Variants in ATG10 observed in about 807,000 individuals in gnomAD.
ATG10 encodes autophagy related 10.
In ATG10, 30 loss-of-function variants were observed where a neutral mutation model predicts 32.1. That is an observed-to-expected ratio of 0.94 (90% CI 0.70 to 1.27). The LOEUF (loss-of-function observed/expected upper bound fraction) is 1.27, where lower values mean the gene tolerates loss of function less well. Ranked by LOEUF, ATG10 falls within the 50% of genes most tolerant of loss-of-function variation. The probability of loss-of-function intolerance (pLI) is 0.00; values close to 1 mark genes in which losing one functional copy is unlikely to be tolerated. For missense variants in ATG10, 233 were observed against 262.3 expected, an observed-to-expected ratio of 0.89 and a Z score of 0.77; for synonymous variants, 87 against 91.5, an observed-to-expected ratio of 0.95 and a Z score of 0.28.
intron 2 of ATG10, among the ~76,000 whole-genome samples, chr5:82,026,465 T>G (rs1762598239): frequency 1.3e-5 from 2 of 152,204 alleles, no homozygotes; most frequent in African/African-American, 4.8e-5. Context: ...CTATTTTGTT[T>G]CCTATTATTA....
rs184091299 is a variant in ATG10, at chr5:82,014,870, A to T, written c.108+27192A>T. On this transcript the variant is annotated intron_variant, in intron 2 of 7. Transcript: ENST00000282185. ...TATGTGTGAATTTGATCCTGTCATTATGATGTTAGCTGGTGATTTTGCTCG... is the reference window on the plus strand; with the variant it reads ...TATGTGTGAATTTGATCCTGTCATTTTGATGTTAGCTGGTGATTTTGCTCG... Among the ~76,000 whole-genome samples the T allele has an allele frequency of 6.5e-3, 985 of 152,268 alleles. 7 individuals carry two copies. Among genetic ancestry groups the T allele is most frequent in the African/African-American group, 0.023 (940 of 41,538 alleles).
chr5:82,237,247 G>T (rs1202710804), intron 5 of ATG10, among the ~76,000 whole-genome samples: 2 of 152,174 alleles, frequency 1.3e-5, no homozygotes, highest in East Asian at 3.9e-4. Context: ...ATTAAACTTG[G>T]AGTAGGCTGT....
Position 82,255,674 on chromosome 5 carries a change from C to T in ATG10, c.*1611C>T, listed in dbSNP as rs897569598. 2.0e-5 allele frequency: 3 copies of T among 152,206 alleles called. No homozygotes were observed. Among genetic ancestry groups the T allele is most frequent in the African/African-American group, 7.2e-5 (3 of 41,446 alleles). 9.4% of individuals were successfully genotyped at this position (152,206 alleles called of 1,614,324 possible). A position where few individuals can be genotyped will look rare whatever the true frequency, so the allele number is the denominator to read the frequency against. On this transcript the variant is annotated 3_prime_UTR_variant, in exon 8 of 8. Transcript: ENST00000282185. ...GCTCTACTGACAGGCCTTTTCCAAT[C>T]CATACAAGCTGAACTTGCTTCCTAA...
chr5:82,157,889 A>G (rs1408382079), intron 3 of ATG10, among the ~76,000 whole-genome samples: 5 of 152,230 alleles, frequency 3.3e-5, no homozygotes, highest in Non-Finnish European at 7.3e-5. Context: ...CAAATCAACT[A>G]TCTTTTCCTC....
rs116174536 is a variant in ATG10 at position 82,010,036 on chromosome 5, C to T, written c.108+22358C>T. 1,328 of 1,610,778 alleles carry T rather than the reference C, an allele frequency of 8.2e-4. 12 individuals are homozygous for T. In the African/African-American group the frequency reaches 0.016, roughly 19 times the overall value. ...TTGTCAGCTAACAGCTCAAAGGAGA[C>T]GCGGCCCAAGGGCTCGCCATCGACG... On this transcript the variant is annotated intron_variant, in intron 2 of 7. Coordinates refer to ENST00000282185, the MANE Select transcript of ATG10 (RefSeq NM_031482.5).
At chr5:82,055,187 C>A in intron 2 of ATG10, among the ~76,000 whole-genome samples, 1 of 151,592 alleles carries the variant, frequency 6.6e-6, no homozygotes, top group African/African-American at 2.4e-5. Context: ...AATCAAAATC[C>A]AAAAAACTCT....
At chr5:82,080,104 A>C (rs187603877) in intron 3 of ATG10, among the ~76,000 whole-genome samples, 12,535 of 152,148 alleles carry the variant, frequency 0.082, 769 homozygotes, top group African/African-American at 0.18. Context: ...ATTTGCATTT[A>C]TCTGATGGCC....
intron 5 of ATG10, among the ~76,000 whole-genome samples, chr5:82,249,184 TTTTAA>T (rs1168905861): frequency 6.6e-6 from 1 of 152,152 alleles, no homozygotes; most frequent in Non-Finnish European, 1.5e-5. Context: ...TAAACTTTTA[TTTTAA>T]TTTAAATTCA....
intron 2 of ATG10, among the ~76,000 whole-genome samples, chr5:82,020,391 A>C (rs183379910): frequency 1.7e-4 from 26 of 152,360 alleles, no homozygotes; most frequent in Admixed American, 3.9e-4. Context: ...GAGTTCTAAT[A>C]ATTGGAAGCA....
chr5:81,979,802 G>C (rs1001875773), intron 1 of ATG10, among the ~76,000 whole-genome samples: 5 of 144,802 alleles, frequency 3.5e-5, no homozygotes, highest in African/African-American at 1.3e-4. Context: ...GTTTTTTTTA[G>C]AAACATGGTG....
At chr5:82,075,671 C>T (rs1249136085) in intron 3 of ATG10, among the ~76,000 whole-genome samples, 1 of 150,032 alleles carries the variant, frequency 6.7e-6, no homozygotes, top group Non-Finnish European at 1.5e-5. Flanking sequence ...TGCGCTGGCT[C>T]ATGCCTGTAA....
At chr5:81,993,332 C>CT (rs1211917788) in intron 2 of ATG10, among the ~76,000 whole-genome samples, 5,324 of 85,052 alleles carry the variant, frequency 0.063, 258 homozygotes, top group African/African-American at 0.092. Context: ...TCTTTCCTTC[C>CT]TTCCTTCTTT....
Position 81,973,139 on chromosome 5 carries a change from C to CT in ATG10, c.-13+841dup, listed in dbSNP as rs539043941. 364 of 152,036 alleles carry CT rather than the reference C, an allele frequency of 2.4e-3. 3 individuals are homozygous for CT. The highest frequency in any genetic ancestry group is 8.2e-3 in the African/African-American group (342 of 41,464). The allele number at this position is 152,036 out of a possible 1,614,324, so 9.4% of individuals were successfully genotyped here. Reference sequence around the variant, plus strand: ...GTAGGATATTAGCCATTTTTCTTTTCTTTTTTTTGAGACAGAGTCTTGCTC... The same window carrying CT: ...GTAGGATATTAGCCATTTTTCTTTTCTTTTTTTTTGAGACAGAGTCTTGCTC... On this transcript the variant is annotated intron_variant, in intron 1 of 7. Transcript: ENST00000282185.
At position 82,184,633 on chromosome 5, in the gene ATG10, G is replaced by A. The variant is rs535619430; in HGVS notation, c.453+6046G>A. 3.8e-4 allele frequency among the ~76,000 whole-genome samples: 58 copies of A among 151,942 alleles called. 3 individuals carry two copies. In the South Asian group the frequency reaches 0.011, roughly 30 times the overall value. On this transcript the variant is annotated intron_variant, in intron 5 of 7. Transcript: ENST00000282185. ...GGGCCTTAGATACATTTACCTTAAC[G>A]GACTCCTTTCTCCATAAAAAGGTAT...
chr5:82,021,591 A>G (rs1762436434), intron 2 of ATG10, among the ~76,000 whole-genome samples: 1 of 152,252 alleles, frequency 6.6e-6, no homozygotes, highest in African/African-American at 2.4e-5. Context: ...TAGTTTAAAA[A>G]TATTTTATCA....
At chr5:82,153,554 A>G (rs1247436238) in intron 3 of ATG10, among the ~76,000 whole-genome samples, 4 of 152,180 alleles carry the variant, frequency 2.6e-5, no homozygotes, top group East Asian at 1.9e-4. Context: ...CTGAAAATCT[A>G]TCTGGGTGGG....
intron 3 of ATG10, among the ~76,000 whole-genome samples, chr5:82,107,290 C>G (rs934355553): frequency 3.0e-4 from 46 of 152,134 alleles, no homozygotes; most frequent in African/African-American, 9.4e-4. Context: ...ATTTTAAGAT[C>G]AGTTTTGTCC....
chr5:82,124,982 C>T (rs1328126131), intron 3 of ATG10, among the ~76,000 whole-genome samples: 1 of 152,210 alleles, frequency 6.6e-6, no homozygotes, highest in Admixed American at 6.5e-5. Flanking sequence ...GAACACCATT[C>T]TAACTGGCAT....
intron 2 of ATG10, among the ~76,000 whole-genome samples, chr5:82,031,225 A>G (rs1180403824): frequency 6.6e-6 from 1 of 152,166 alleles, no homozygotes; most frequent in Non-Finnish European, 1.5e-5. Context: ...ACCTGACAAT[A>G]TTGAATGTGG....
Sources: gnomAD v4.1 joint callset for allele counts (sites outside exome capture counted in the v4.1 genomes callset) on GRCh38, gnomAD v4.1.1 for gene constraint, MANE v1.5 for transcripts, NCBI Gene and HGNC (gene_info 2026-07-23, HGNC 2026-07-21) for gene names.